SLC25A26: variants seen among roughly 807,000 people sequenced by gnomAD.
The protein encoded by SLC25A26 is solute carrier family 25 member 26, also known as mitochondrial S-adenosylmethionine carrier protein.
SLC25A26 carries 36 observed loss-of-function variants against 37.8 expected under a neutral mutation model. The observed-to-expected ratio is 0.95, with a 90% CI of 0.73 to 1.26. SLC25A26 has a LOEUF of 1.26. Ranked by LOEUF, SLC25A26 falls within the 50% of genes most tolerant of loss-of-function variation. SLC25A26 has a pLI of 0.00. For missense variants in SLC25A26, 390 were observed against 331.1 expected (o/e 1.18, Z -1.38); for synonymous variants, 129 against 122.5 (o/e 1.05, Z -0.35).
At chr3:66,176,283 CT>C (rs1365087967) in intron 1 of SLC25A26, among the ~76,000 whole-genome samples, 2 of 152,104 alleles carry the variant, frequency 1.3e-5, no homozygotes, top group Non-Finnish European at 2.9e-5. Context: ...AAAAAATATT[CT>C]GGTGTCTTCC....
At chr3:66,296,123 T>C (rs1306920611) in intron 5 of SLC25A26, among the ~76,000 whole-genome samples, 1 of 149,344 alleles carries the variant, frequency 6.7e-6, no homozygotes, top group Non-Finnish European at 1.5e-5. Flanking sequence ...TCTTGGAAAA[T>C]AAAAAAAAAA....
intron 3 of SLC25A26, among the ~76,000 whole-genome samples, chr3:66,246,539 G>C (rs1028737632): frequency 3.3e-5 from 5 of 152,114 alleles, no homozygotes; most frequent in African/African-American, 1.2e-4. Flanking sequence ...AAGTTTCTAA[G>C]ATTTACAAAT....
At chr3:66,367,550 G>A (rs377054377) in intron 7 of SLC25A26, among the ~76,000 whole-genome samples, 1 of 152,172 alleles carries the variant, frequency 6.6e-6, no homozygotes, top group East Asian at 1.9e-4. Flanking sequence ...AGGCTAGACC[G>A]TGCTGCTGGT....
chr3:66,308,572 G>C (rs891049465), intron 5 of SLC25A26, among the ~76,000 whole-genome samples: 1 of 152,168 alleles, frequency 6.6e-6, no homozygotes, highest in Non-Finnish European at 1.5e-5. Flanking sequence ...GCAGCCTTCT[G>C]CTGTGCCGGT....
At chr3:66,348,102 C>T (rs771047589) in intron 6 of SLC25A26, among the ~76,000 whole-genome samples, 1 of 152,300 alleles carries the variant, frequency 6.6e-6, no homozygotes, top group East Asian at 1.9e-4. Context: ...CAAACTTGCA[C>T]ATCCTGCACA....
intron 5 of SLC25A26, among the ~76,000 whole-genome samples, chr3:66,280,077 G>C (rs900433688): frequency 1.3e-5 from 2 of 152,118 alleles, no homozygotes; most frequent in African/African-American, 2.4e-5. Flanking sequence ...TCACACAATG[G>C]TTTTCCAAGG....
At chr3:66,172,222 G>A (rs942370550) in intron 1 of SLC25A26, among the ~76,000 whole-genome samples, 1 of 151,846 alleles carries the variant, frequency 6.6e-6, no homozygotes, top group South Asian at 2.1e-4. Context: ...ACCAGCCTGA[G>A]CAACACGGCA....
intron 1 of SLC25A26, among the ~76,000 whole-genome samples, chr3:66,225,616 C>A (rs1030731463): frequency 3.9e-5 from 6 of 152,198 alleles, no homozygotes; most frequent in African/African-American, 1.4e-4. Context: ...GTTATTTATG[C>A]AAATTTCTGC....
At chr3:66,270,525 T>G (rs2073921916) in intron 5 of SLC25A26, among the ~76,000 whole-genome samples, 1 of 152,206 alleles carries the variant, frequency 6.6e-6, no homozygotes. Flanking sequence ...TATTCAGGCT[T>G]TCAGTAAATG....
chr3:66,160,382 A>G (rs1476431536), intron 1 of SLC25A26, among the ~76,000 whole-genome samples: 1 of 152,200 alleles, frequency 6.6e-6, no homozygotes, highest in African/African-American at 2.4e-5. Flanking sequence ...GCCAGTGGGT[A>G]AAAATACTGC....
At chr3:66,305,528 A>G (rs558328184) in intron 5 of SLC25A26, among the ~76,000 whole-genome samples, 2 of 152,176 alleles carry the variant, frequency 1.3e-5, no homozygotes, top group East Asian at 1.9e-4. Context: ...AATATGTGCT[A>G]TGGTGGTTTG....
intron 5 of SLC25A26, among the ~76,000 whole-genome samples, chr3:66,280,194 T>A (rs146694124): frequency 1.5e-4 from 23 of 152,350 alleles, no homozygotes; most frequent in African/African-American, 5.3e-4. Flanking sequence ...GTCTGGTATA[T>A]AGTTGCCTCT....
chr3:66,292,524 C>A (rs1039653577), intron 5 of SLC25A26, among the ~76,000 whole-genome samples: 18 of 152,234 alleles, frequency 1.2e-4, no homozygotes, highest in African/African-American at 4.3e-4. Context: ...ATTTGCTTGT[C>A]CATAAAGGAT....
chr3:66,360,165 T>C (rs994527706), intron 6 of SLC25A26, among the ~76,000 whole-genome samples: 3 of 152,254 alleles, frequency 2.0e-5, no homozygotes, highest in South Asian at 2.1e-4. Context: ...CTTCCAGAGA[T>C]AGTTGTCAGT....
intron 6 of SLC25A26, among the ~76,000 whole-genome samples, chr3:66,355,630 C>T (rs530029979): frequency 6.6e-6 from 1 of 152,292 alleles, no homozygotes; most frequent in African/African-American, 2.4e-5. Context: ...TCAGAAATCT[C>T]TTTTGTAGAC....
intron 5 of SLC25A26, among the ~76,000 whole-genome samples, chr3:66,325,914 A>T (rs554845154): frequency 6.6e-6 from 1 of 152,306 alleles, no homozygotes; most frequent in East Asian, 1.9e-4. Context: ...GAATAAAAAG[A>T]GGTTGAACAG....
intron 1 of SLC25A26, among the ~76,000 whole-genome samples, chr3:66,156,892 A>T (rs1026592702): frequency 6.6e-6 from 1 of 152,070 alleles, no homozygotes. Context: ...ACAGGCTTCC[A>T]TGGAAAGGAT....
chr3:66,352,039 A>T (rs1201291194), intron 6 of SLC25A26, among the ~76,000 whole-genome samples: 1 of 152,040 alleles, frequency 6.6e-6, no homozygotes, highest in East Asian at 1.9e-4. Flanking sequence ...ACCTGAGCTC[A>T]GGAGTTTGAG....
At chr3:66,296,123 T>TA (rs956857086) in intron 5 of SLC25A26, among the ~76,000 whole-genome samples, 6 of 149,340 alleles carry the variant, frequency 4.0e-5, no homozygotes, top group Non-Finnish European at 6.0e-5. Flanking sequence ...TCTTGGAAAA[T>TA]AAAAAAAAAA....
Sources: allele counts gnomAD v4.1 joint callset (sites outside exome capture counted in the v4.1 genomes callset), GRCh38; gene constraint gnomAD v4.1.1; transcripts MANE v1.5; gene names NCBI Gene and HGNC (gene_info 2026-07-23, HGNC 2026-07-21).